CACNA1A: variants seen among roughly 807,000 people sequenced by gnomAD.
CACNA1A encodes the protein calcium voltage-gated channel subunit alpha1 A.
In CACNA1A, 57 loss-of-function variants were observed where a neutral mutation model predicts 262.4. The ratio of observed to expected loss-of-function variants is 0.22; its 90% CI spans 0.18 to 0.27. The LOEUF (loss-of-function observed/expected upper bound fraction) is 0.27, where lower values mean the gene tolerates loss of function less well. Among genes scored for constraint, CACNA1A ranks in the 10% least tolerant of loss-of-function variants. The probability of loss-of-function intolerance (pLI) is 1.00; values close to 1 mark genes in which losing one functional copy is unlikely to be tolerated. For synonymous variants in CACNA1A, 1,431 were observed against 1,419.3 expected, an observed-to-expected ratio of 1.01 and a Z score of -0.18; for missense variants, 2,526 against 3,562.8, an observed-to-expected ratio of 0.71 and a Z score of 7.41.
intron 12 of CACNA1A, among the ~76,000 whole-genome samples, chr19:13,309,241 C>G (rs2057968213): frequency 6.6e-6 from 1 of 152,004 alleles, no homozygotes; most frequent in Admixed American, 6.6e-5. Context: ...AACTCCTGAC[C>G]TCGTGATCCG....
Position 13,209,463 on chromosome 19 carries a change from G to T in CACNA1A, c.6375C>A (p.Ala2125=), listed in dbSNP as rs983936305. ...GTCGGGCCTTGGGGCCCAGCACGGA[G>T]GCTGAACGCTTCATGGGGCTGGTGT... ...ISDTSPMKRS[A]SVLGPKARRL... is the part of the protein sequence containing the mutation. Residue 2125 remains alanine (A), a synonymous_variant, in exon 45 of 47, where the codon GCC becomes GCA. Transcript: ENST00000360228. 2.2e-6 allele frequency: 3 copies of T among 1,361,522 alleles called. No individual in the cohort carries two copies. Among genetic ancestry groups the T allele is most frequent in the Non-Finnish European group, 2.9e-6 (3 of 1,051,734 alleles). 84.3% of individuals were successfully genotyped at this position (1,361,522 alleles called of 1,614,324 possible).
At chr19:13,386,533 A>T (rs1361905331) in intron 3 of CACNA1A, among the ~76,000 whole-genome samples, 2 of 152,156 alleles carry the variant, frequency 1.3e-5, no homozygotes, top group Non-Finnish European at 2.9e-5. Context: ...TCACGCCTGT[A>T]ATCCCAGCCC....
intron 24 of CACNA1A, among the ~76,000 whole-genome samples, chr19:13,264,267 C>T (rs1321352612): frequency 6.6e-6 from 1 of 152,148 alleles, no homozygotes; most frequent in African/African-American, 2.4e-5. Flanking sequence ...GAGTCATGGT[C>T]AACTGCCTGC....
chr19:13,248,866 T>C (rs1243668168), intron 30 of CACNA1A, among the ~76,000 whole-genome samples: 1 of 151,722 alleles, frequency 6.6e-6, no homozygotes, highest in Admixed American at 6.6e-5. Flanking sequence ...TAATAATAAA[T>C]TACAGATTCA....
chr19:13,216,090 A>C (rs2054999246), intron 38 of CACNA1A, among the ~76,000 whole-genome samples: 1 of 151,108 alleles, frequency 6.6e-6, no homozygotes, highest in South Asian at 2.1e-4. Flanking sequence ...GGCTCAGAGG[A>C]GGTCTTTTCC....
intron 43 of CACNA1A, 164 bp from the exon 44 acceptor site, chr19:13,210,816 A>T: frequency 2.6e-6 from 2 of 780,514 alleles, no homozygotes; most frequent in South Asian, 3.2e-5. Context: ...GGAGGAAAAG[A>T]AAAGTTAAAG....
At chr19:13,240,761 A>G (rs959777878) in intron 31 of CACNA1A, among the ~76,000 whole-genome samples, 76 of 145,988 alleles carry the variant, frequency 5.2e-4, no homozygotes, top group Non-Finnish European at 8.4e-4. Context: ...GTGTGCAGTG[A>G]CTGTGTGCAC....
chr19:13,489,074 C>T (rs1326031337), intron 1 of CACNA1A, among the ~76,000 whole-genome samples: 10 of 125,774 alleles, frequency 8.0e-5, no homozygotes, highest in Non-Finnish European at 6.2e-5. Flanking sequence ...TGCAGTGGTG[C>T]AATCTCAGCT....
In CACNA1A at chr19:13,212,783, T is replaced by G; in HGVS notation, c.5941-43A>C. 1 of 1,030,768 alleles carries G rather than the reference T, an allele frequency of 9.7e-7. No homozygotes were observed. Among genetic ancestry groups the G allele is most frequent in the Non-Finnish European group, 1.4e-6 (1 of 720,268 alleles). The allele number at this position is 1,030,768 out of a possible 1,614,324, so 63.9% of individuals were successfully genotyped here. ...GAGCAGTGTGTGGACAAGGGTGGGG[T>G]GGTGGGACGGTGGTACCCAGAAGGC... On this transcript the variant is annotated intron_variant, in intron 40 of 46. Transcript: ENST00000360228. The surrounding 1 kb of genome is among the most constrained non-coding windows in gnomAD (Gnocchi z 5.6).
chr19:13,459,340 A>G (rs1274478208), intron 1 of CACNA1A, among the ~76,000 whole-genome samples: 1 of 152,162 alleles, frequency 6.6e-6, no homozygotes, highest in Non-Finnish European at 1.5e-5. Context: ...GGAGTCTGAA[A>G]TAGAAACCCC....
chr19:13,348,641 T>C (rs538702394), intron 6 of CACNA1A, among the ~76,000 whole-genome samples: 56 of 152,216 alleles, frequency 3.7e-4, no homozygotes, highest in Admixed American at 5.9e-4. Flanking sequence ...ATCGAGACCA[T>C]CCTGGCCAAC....
At chr19:13,476,507 C>T (rs1481672375) in intron 1 of CACNA1A, among the ~76,000 whole-genome samples, 1 of 152,228 alleles carries the variant, frequency 6.6e-6, no homozygotes, top group South Asian at 2.1e-4. Flanking sequence ...TCCTACTGGT[C>T]AACTTTCAAC....
intron 3 of CACNA1A, among the ~76,000 whole-genome samples, chr19:13,443,569 A>G (rs1384544116): frequency 6.6e-6 from 1 of 152,014 alleles, no homozygotes; most frequent in Non-Finnish European, 1.5e-5. Context: ...CTGGTCTCGA[A>G]CTCCTGGGCT....
rs1393616835 is a variant in CACNA1A at position 13,212,518 on chromosome 19, C to A, written c.6055G>T (p.Ala2019Ser). The change falls in exon 42 of 47, where the codon GCT becomes TCT. Residue 2019 changes from alanine (A) to serine (S), a missense_variant. By Grantham distance (99) the Ala-to-Ser change is moderately conservative (BLOSUM62 1). This residue lies in a region of CACNA1A where 929 missense variants were observed against 868.1 expected (regional missense o/e 1.07). Coordinates refer to ENST00000360228, the MANE Select transcript of CACNA1A (RefSeq NM_001127222.2). This position sits in a 1 kb window ranked among gnomAD's most constrained non-coding sequence, Gnocchi z 5.6. Reference sequence around the variant, plus strand: ...CTCTCCTTGAGGCCGCTTTCGTGAGCCATCCTGCATGGGGGACAGAGGCCG... The same window carrying A: ...CTCTCCTTGAGGCCGCTTTCGTGAGACATCCTGCATGGGGGACAGAGGCCG... ...TQLDPGGALM[A>S]HESGLKESPS... The A allele has an allele frequency of 4.8e-5, 75 of 1,570,392 alleles. No individual in the cohort carries two copies. Among genetic ancestry groups the A allele is most frequent in the Non-Finnish European group, 6.4e-5 (74 of 1,157,444 alleles).
intron 24 of CACNA1A, among the ~76,000 whole-genome samples, chr19:13,271,156 T>TA: frequency 6.7e-6 from 1 of 149,752 alleles, no homozygotes; most frequent in South Asian, 2.1e-4. Context: ...ACTTGATATT[T>TA]AAAAAGAAAA....
chr19:13,445,759 A>C (rs2060798547), intron 3 of CACNA1A, among the ~76,000 whole-genome samples: 1 of 152,214 alleles, frequency 6.6e-6, no homozygotes, highest in Non-Finnish European at 1.5e-5. Context: ...TCAGAACACA[A>C]ATACAATAAA....
At position 13,307,758 on chromosome 19, in the gene CACNA1A, C is replaced by T. The variant is rs551506202; in HGVS notation, c.1986+24G>A. 2.0e-5 allele frequency: 32 copies of T among 1,609,840 alleles called. No individual in the cohort carries two copies. The African/African-American group carries it at 3.7e-4, about 19-fold the overall frequency. ...TCTGTGACACTGAGAGGTGTTGGCC[C>T]GTGGGGCCAGGTGGAGGCTGTACCT... is the stretch of plus-strand genomic sequence containing the variant. On this transcript the variant is annotated intron_variant, in intron 15 of 46. Coordinates refer to ENST00000360228, the MANE Select transcript of CACNA1A (RefSeq NM_001127222.2).
At chr19:13,254,757 T>A (rs934476143) in intron 29 of CACNA1A, among the ~76,000 whole-genome samples, 1 of 152,094 alleles carries the variant, frequency 6.6e-6, no homozygotes, top group Admixed American at 6.6e-5. Flanking sequence ...GAGGTCATCA[T>A]AAATGGGTGG....
intron 10 of CACNA1A, 44 bp from the exon 11 acceptor site, chr19:13,317,365 T>G (rs747537447): frequency 6.6e-7 from 1 of 1,505,538 alleles, no homozygotes; most frequent in Non-Finnish European, 9.1e-7. Context: ...GGCTGTTCCT[T>G]CAGAAGAAAT....
Sources: allele counts gnomAD v4.1 joint callset (sites outside exome capture counted in the v4.1 genomes callset), GRCh38; gene constraint gnomAD v4.1.1; regional missense constraint gnomAD v4.1.1; non-coding constraint Gnocchi (gnomAD v3.1); transcripts MANE v1.5; gene names NCBI Gene and HGNC (gene_info 2026-07-23, HGNC 2026-07-21).